Variants in NSL1 observed in about 807,000 individuals in gnomAD.
NSL1 encodes the protein kinetochore-associated protein NSL1 homolog.
Under a neutral mutation model 25.4 loss-of-function variants are expected in NSL1, and 11 were observed. That is an observed-to-expected ratio of 0.43 (90% CI 0.27 to 0.72). The LOEUF (loss-of-function observed/expected upper bound fraction) is 0.72. NSL1 is among the 30% of genes least tolerant of loss of function. The pLI is 0.19. For synonymous variants in NSL1, 118 were observed against 120.6 expected (o/e 0.98, Z 0.14); for missense variants, 330 against 342.7 (o/e 0.96, Z 0.29).
intron 3 of NSL1, among the ~76,000 whole-genome samples, chr1:212,783,944 C>T (rs1233644772): frequency 6.6e-6 from 1 of 152,004 alleles, no homozygotes; most frequent in East Asian, 1.9e-4. Flanking sequence ...GGTACTAAAA[C>T]AATCTTCATC....
chr1:212,757,073 GAGTC>G (rs765507234), intron 4 of NSL1, among the ~76,000 whole-genome samples: 1 of 152,228 alleles, frequency 6.6e-6, no homozygotes. Context: ...TGAAGTGCAA[GAGTC>G]AGGCAGGTAG....
intron 4 of NSL1, among the ~76,000 whole-genome samples, chr1:212,770,182 C>T (rs1660037140): frequency 6.6e-6 from 1 of 152,032 alleles, no homozygotes; most frequent in Non-Finnish European, 1.5e-5. Context: ...ACTAGAGCAT[C>T]CAGATTAAAG....
In NSL1 at chr1:212,779,088, GC is replaced by G. The variant is rs1325810992; in HGVS notation, c.499+3283del. Among the ~76,000 whole-genome samples the G allele has an allele frequency of 7.3e-5, 11 of 151,138 alleles. No individual in the cohort carries two copies. The South Asian group carries it at 2.3e-3, about 32-fold the overall frequency. Reference sequence around the variant, plus strand: ...AGGAAGTGAGGAGCGTCTCTGCCCGGCCGCCCCGTCTGAGAAGTGAGGAGAC... The same window carrying G: ...AGGAAGTGAGGAGCGTCTCTGCCCGGCGCCCCGTCTGAGAAGTGAGGAGAC... On this transcript the variant is annotated intron_variant, in intron 4 of 5. Coordinates refer to ENST00000366977, the MANE Select transcript of NSL1 (RefSeq NM_015471.4).
Position 212,727,783 on chromosome 1 carries a change from A to G in NSL1, c.*10625T>C. ...CCTCATTAAGATAATAAATTGCTTTAAACAACTTTGAGCACTTTCTTAGAC... is the reference window on the plus strand; with the variant it reads ...CCTCATTAAGATAATAAATTGCTTTGAACAACTTTGAGCACTTTCTTAGAC... On this transcript the variant is annotated 3_prime_UTR_variant, in exon 6 of 6. Coordinates refer to ENST00000366977, the MANE Select transcript of NSL1 (RefSeq NM_015471.4). 2.0e-6 allele frequency: 2 copies of G among 984,598 alleles called. No individual in the cohort carries two copies. The highest frequency in any genetic ancestry group is 1.7e-5 in the African/African-American group (1 of 57,374). 61.0% of individuals were successfully genotyped at this position (984,598 alleles called of 1,614,324 possible). A position where few individuals can be genotyped will look rare whatever the true frequency, so the allele number is the denominator to read the frequency against.
Position 212,727,178 on chromosome 1 carries a change from TCC to T in NSL1, c.*11228_*11229del. 1 of 1,562,266 alleles carries T rather than the reference TCC, an allele frequency of 6.4e-7. No individual in the cohort carries two copies. Among genetic ancestry groups the T allele is most frequent in the South Asian group, 1.2e-5 (1 of 83,896 alleles). The stretch of plus-strand genomic sequence containing the variant: ...CTAGAGCTAGTCCACCAGGCTTGGC[TCC>T]TAATGTGTTAAATGGGGGTGAATGG... On this transcript the variant is annotated 3_prime_UTR_variant, in exon 6 of 6. Coordinates refer to ENST00000366977, the MANE Select transcript of NSL1 (RefSeq NM_015471.4).
At chr1:212,787,776 T>G in intron 1 of NSL1, 139 bp from the exon 2 acceptor site, 1 of 481,762 alleles carries the variant, frequency 2.1e-6, no homozygotes, top group South Asian at 4.3e-5. Context: ...ATCTATTCTT[T>G]TCAATGAAGA....
rs1042733194 is a variant in NSL1, at chr1:212,735,863, T to C, written c.*2545A>G. 10 of 829,290 alleles carry C rather than the reference T, an allele frequency of 1.2e-5. No individual in the cohort carries two copies. The highest frequency in any genetic ancestry group is 2.9e-6 in the Non-Finnish European group (2 of 687,526). The allele number at this position is 829,290 out of a possible 1,614,324, so 51.4% of individuals were successfully genotyped here. ...AACTGCATTTGCCAGCACCTTCTCATGGACTTCTAGCCTCCAGAACTGTGA... is the reference window on the plus strand; with the variant it reads ...AACTGCATTTGCCAGCACCTTCTCACGGACTTCTAGCCTCCAGAACTGTGA... On this transcript the variant is annotated 3_prime_UTR_variant, in exon 6 of 6. Coordinates refer to ENST00000366977, the MANE Select transcript of NSL1 (RefSeq NM_015471.4).
intron 4 of NSL1, among the ~76,000 whole-genome samples, 188 bp from the exon 5 acceptor site, chr1:212,739,789 C>G (rs1372134923): frequency 6.6e-6 from 1 of 152,186 alleles, no homozygotes; most frequent in Admixed American, 6.5e-5. Flanking sequence ...AAGTTATAAG[C>G]ATAAGATGGT....
chr1:212,739,412 T>C (rs932789836), intron 5 of NSL1, 122 bp downstream of exon 5: 24 of 823,270 alleles, frequency 2.9e-5, no homozygotes, highest in South Asian at 7.3e-5. Context: ...TCATTAAAGA[T>C]TTATTTAAAG....
intron 4 of NSL1, among the ~76,000 whole-genome samples, chr1:212,779,853 A>G (rs12746403): frequency 8.7e-3 from 399 of 46,024 alleles, no homozygotes; most frequent in Middle Eastern, 0.014. Context: ...CCCCCGCCCG[A>G]CCAGCCGCCC....
rs540683060 is a variant in NSL1, at chr1:212,731,308, C to G, written c.*7100G>C. On this transcript the variant is annotated 3_prime_UTR_variant, in exon 6 of 6. Transcript: ENST00000366977. ...CAGTGGCTCATTCCTGTAATCCCAG[C>G]ACTTTGGGAAGCTGAGGCAGGAGGA... The G allele has an allele frequency of 1.0e-6, 1 of 982,966 alleles. No homozygotes were observed. 60.9% of individuals were successfully genotyped at this position (982,966 alleles called of 1,614,324 possible).
At chr1:212,783,448 T>C (rs977984199) in intron 3 of NSL1, among the ~76,000 whole-genome samples, 2 of 152,186 alleles carry the variant, frequency 1.3e-5, no homozygotes, top group African/African-American at 4.8e-5. Context: ...ATTCTGCTCA[T>C]GAATACTGTT....
intron 4 of NSL1, among the ~76,000 whole-genome samples, chr1:212,747,847 C>A (rs1658877555): frequency 6.6e-6 from 1 of 151,714 alleles, no homozygotes; most frequent in Non-Finnish European, 1.5e-5. Flanking sequence ...CTCACTGCAA[C>A]CTCTGCCTCC....
At chr1:212,762,270 T>C (rs988102476) in intron 4 of NSL1, among the ~76,000 whole-genome samples, 19 of 137,766 alleles carry the variant, frequency 1.4e-4, no homozygotes, top group African/African-American at 5.4e-4. Context: ...TGCACTCCAG[T>C]CTGGGCAACA....
intron 4 of NSL1, among the ~76,000 whole-genome samples, chr1:212,755,393 A>G (rs984553957): frequency 1.3e-5 from 2 of 151,984 alleles, no homozygotes; most frequent in East Asian, 1.9e-4. Flanking sequence ...GGGAGAAAAG[A>G]GGAATCTAGC....
chr1:212,734,141 C>T lies in NSL1; in HGVS notation c.*4267G>A, dbSNP rs1658140385. ...TTTTCCAAAAAATGTATGATTTTCT[C>T]TTCTTTCTGGGAGTACAGTCATCAT... On this transcript the variant is annotated 3_prime_UTR_variant, in exon 6 of 6. Coordinates refer to ENST00000366977, the MANE Select transcript of NSL1 (RefSeq NM_015471.4). Among the ~76,000 whole-genome samples, 1 of 152,074 alleles carries T rather than the reference C, an allele frequency of 6.6e-6. No individual in the cohort carries two copies.
At chr1:212,745,166 A>C (rs1157566734) in intron 4 of NSL1, among the ~76,000 whole-genome samples, 4 of 23,612 alleles carry the variant, frequency 1.7e-4, no homozygotes, top group Non-Finnish European at 4.6e-4. Flanking sequence ...CAAACTATAT[A>C]TATATATATA....
chr1:212,773,252 T>G (rs12136834), intron 4 of NSL1, among the ~76,000 whole-genome samples: 61,100 of 151,868 alleles, frequency 0.4, 13,928 homozygotes, highest in Non-Finnish European at 0.51. Flanking sequence ...AGACACCTGT[T>G]GAATGGGAGA....
At chr1:212,783,100 A>G (rs1434806298) in intron 3 of NSL1, among the ~76,000 whole-genome samples, 2 of 152,196 alleles carry the variant, frequency 1.3e-5, no homozygotes, top group South Asian at 2.1e-4. Flanking sequence ...TTTGCTCAGG[A>G]GTCTGAGACC....
Sources: gnomAD v4.1 joint callset for allele counts (sites outside exome capture counted in the v4.1 genomes callset) on GRCh38, gnomAD v4.1.1 for gene constraint, MANE v1.5 for transcripts, NCBI Gene and HGNC (gene_info 2026-07-23, HGNC 2026-07-21) for gene names.